Variants in LUZP2 observed in about 807,000 individuals in gnomAD.
The protein encoded by LUZP2 is leucine zipper protein 2.
Under a neutral mutation model 51.6 loss-of-function variants are expected in LUZP2, and 52 were observed. That is an observed-to-expected ratio of 1.01 (90% CI 0.81 to 1.27). The LOEUF (loss-of-function observed/expected upper bound fraction) is 1.27, where lower values mean the gene tolerates loss of function less well. Ranked by LOEUF, LUZP2 falls within the 50% of genes most tolerant of loss-of-function variation. The probability of loss-of-function intolerance (pLI) is 0.00; values close to 1 mark genes in which losing one functional copy is unlikely to be tolerated. For missense variants in LUZP2, 436 were observed against 395.4 expected (o/e 1.10, Z -0.87); for synonymous variants, 154 against 137.3 (o/e 1.12, Z -0.85).
intron 1 of LUZP2, among the ~76,000 whole-genome samples, chr11:24,559,738 CAG>C (rs1851975406): frequency 6.6e-6 from 1 of 152,114 alleles, no homozygotes; most frequent in African/African-American, 2.4e-5. Flanking sequence ...AATAAAAAAT[CAG>C]AGTTACAGTG....
At chr11:25,011,920 CA>C (rs1463605951) in intron 9 of LUZP2, among the ~76,000 whole-genome samples, 2 of 151,092 alleles carry the variant, frequency 1.3e-5, no homozygotes, top group African/African-American at 4.9e-5. Context: ...ATAACCTTAC[CA>C]AAATTATCTA....
chr11:24,630,739 A>C (rs1422697882), intron 1 of LUZP2, among the ~76,000 whole-genome samples: 2 of 146,642 alleles, frequency 1.4e-5, no homozygotes, highest in African/African-American at 5.0e-5. Flanking sequence ...CATGAAAATG[A>C]TGTTGTTATA....
chr11:24,856,808 G>A (rs1851580734), intron 5 of LUZP2, among the ~76,000 whole-genome samples: 1 of 152,008 alleles, frequency 6.6e-6, no homozygotes, highest in Non-Finnish European at 1.5e-5. Flanking sequence ...AATGGAACTA[G>A]AGGCCATTAT....
intron 5 of LUZP2, among the ~76,000 whole-genome samples, chr11:24,902,606 T>C (rs1408735518): frequency 6.6e-6 from 1 of 152,190 alleles, no homozygotes; most frequent in East Asian, 1.9e-4. Context: ...ATCCTGATCA[T>C]TGAAAAGCCT....
rs1057340479 is a variant in LUZP2, at chr11:24,602,141, T to C, written c.62+104836T>C. Among the ~76,000 whole-genome samples, 68 of 94,758 alleles carry C rather than the reference T, an allele frequency of 7.2e-4. 4 individuals are homozygous for C. The highest frequency in any genetic ancestry group is 3.2e-3 in the African/African-American group (59 of 18,538). The allele number at this position is 94,758 out of a possible 152,430, so 62.2% of individuals were successfully genotyped here. The stretch of plus-strand genomic sequence containing the variant: ...ATGTATATATGTATATGTGTATATA[T>C]GTATATATGTATATATGTATATATG... On this transcript the variant is annotated intron_variant, in intron 1 of 11. Coordinates refer to ENST00000336930, the MANE Select transcript of LUZP2 (RefSeq NM_001009909.4).
chr11:25,053,211 C>A (rs963925942), intron 10 of LUZP2, among the ~76,000 whole-genome samples: 2 of 151,844 alleles, frequency 1.3e-5, no homozygotes, highest in African/African-American at 4.8e-5. Context: ...TAACATGAGC[C>A]CCAAATGTAT....
intron 1 of LUZP2, among the ~76,000 whole-genome samples, chr11:24,588,733 T>G (rs1853159019): frequency 2.0e-5 from 3 of 152,182 alleles, no homozygotes; most frequent in Admixed American, 2.0e-4. Context: ...TAGGCCCTCC[T>G]TAATAACAAT....
intron 3 of LUZP2, among the ~76,000 whole-genome samples, chr11:24,735,452 T>C (rs1858899570): frequency 6.6e-6 from 1 of 151,844 alleles, no homozygotes. Context: ...CCTTTTATTC[T>C]TTAAGGTGGT....
intron 5 of LUZP2, among the ~76,000 whole-genome samples, chr11:24,768,079 C>T (rs12280473): frequency 6.6e-6 from 1 of 151,806 alleles, no homozygotes; most frequent in Non-Finnish European, 1.5e-5. Flanking sequence ...ATATATAAGT[C>T]TAGGAAATAT....
chr11:24,691,064 T>C (rs1857049451), intron 1 of LUZP2, among the ~76,000 whole-genome samples: 2 of 152,034 alleles, frequency 1.3e-5, no homozygotes, highest in Non-Finnish European at 2.9e-5. Flanking sequence ...AATGGGAATG[T>C]CAGGAAATAG....
chr11:25,010,133 G>T (rs1402347614), intron 9 of LUZP2, among the ~76,000 whole-genome samples: 1 of 152,130 alleles, frequency 6.6e-6, no homozygotes, highest in Non-Finnish European at 1.5e-5. Flanking sequence ...GTCTAGCATA[G>T]TTAAGACCAA....
intron 1 of LUZP2, among the ~76,000 whole-genome samples, chr11:24,613,898 ATG>A (rs1211737787): frequency 3.7e-4 from 57 of 152,098 alleles, no homozygotes; most frequent in Admixed American, 9.8e-4. Flanking sequence ...TAAATATCCC[ATG>A]AAAACATTTT....
At chr11:24,902,981 C>G (rs1360130045) in intron 5 of LUZP2, among the ~76,000 whole-genome samples, 1 of 152,014 alleles carries the variant, frequency 6.6e-6, no homozygotes, top group Non-Finnish European at 1.5e-5. Flanking sequence ...ACTACAGACA[C>G]CAACTTTTAA....
At chr11:24,719,191 A>G (rs1036217134) in intron 1 of LUZP2, among the ~76,000 whole-genome samples, 1 of 152,330 alleles carries the variant, frequency 6.6e-6, no homozygotes, top group East Asian at 1.9e-4. Flanking sequence ...AAAAGCAAAA[A>G]AAAGAAAATG....
At chr11:24,601,932 A>G (rs1286423150) in intron 1 of LUZP2, among the ~76,000 whole-genome samples, 9 of 137,616 alleles carry the variant, frequency 6.5e-5, no homozygotes, top group African/African-American at 1.1e-4. Context: ...ATATATATGT[A>G]TATATGTATA....
intron 5 of LUZP2, among the ~76,000 whole-genome samples, chr11:24,800,113 G>A (rs552436262): frequency 1.7e-4 from 26 of 151,882 alleles, no homozygotes; most frequent in South Asian, 2.1e-4. Flanking sequence ...CTATCCACCC[G>A]CCCCCACCCT....
intron 1 of LUZP2, among the ~76,000 whole-genome samples, chr11:24,542,871 TG>T (rs1381565517): frequency 6.6e-6 from 1 of 151,462 alleles, no homozygotes; most frequent in African/African-American, 2.4e-5. Flanking sequence ...CAAAGTATTA[TG>T]GGGTTTGTTT....
intron 3 of LUZP2, among the ~76,000 whole-genome samples, chr11:24,738,003 A>T (rs1038774810): frequency 3.0e-5 from 4 of 133,684 alleles, no homozygotes; most frequent in Admixed American, 6.9e-5. Context: ...AAGGTTATTT[A>T]AAAAAAAATC....
At chr11:25,022,755 G>A (rs1011899866) in intron 9 of LUZP2, among the ~76,000 whole-genome samples, 1 of 151,716 alleles carries the variant, frequency 6.6e-6, no homozygotes, top group African/African-American at 2.4e-5. Context: ...TAAGATGAGA[G>A]GCCCATTCAA....
Sources: gnomAD v4.1 joint callset for allele counts (sites outside exome capture counted in the v4.1 genomes callset) on GRCh38, gnomAD v4.1.1 for gene constraint, MANE v1.5 for transcripts, NCBI Gene and HGNC (gene_info 2026-07-23, HGNC 2026-07-21) for gene names.